Variants in NCAM2 observed in about 807,000 individuals in gnomAD.
The protein encoded by NCAM2 is N-CAM-2.
A neutral mutation model predicts 98.1 loss-of-function variants in NCAM2; 30 were observed. The observed-to-expected ratio is 0.31, with a 90% CI of 0.23 to 0.41. The LOEUF is 0.41. Ranked by LOEUF, NCAM2 falls within the 10% of genes least tolerant of loss-of-function variation. NCAM2 has a pLI of 1.00. For missense variants in NCAM2, 867 were observed against 1,005.8 expected, an observed-to-expected ratio of 0.86 and a Z score of 1.87; for synonymous variants, 368 against 342.4, an observed-to-expected ratio of 1.07 and a Z score of -0.83.
intron 1 of NCAM2, among the ~76,000 whole-genome samples, chr21:21,163,340 A>G (rs2067848226): frequency 6.6e-6 from 1 of 152,176 alleles, no homozygotes; most frequent in Non-Finnish European, 1.5e-5. Flanking sequence ...AGAGGGATGT[A>G]GGAAGGTAGA....
intron 15 of NCAM2, among the ~76,000 whole-genome samples, chr21:21,481,740 TAGCTGATACAA>T (rs1985904809): frequency 6.6e-6 from 1 of 152,170 alleles, no homozygotes; most frequent in Non-Finnish European, 1.5e-5. Flanking sequence ...CTAAACCATG[TAGCTGATACAA>T]AGCCATCACA....
At chr21:21,007,096 T>C (rs1047556756) in intron 1 of NCAM2, among the ~76,000 whole-genome samples, 1 of 152,202 alleles carries the variant, frequency 6.6e-6, no homozygotes, top group African/African-American at 2.4e-5. Flanking sequence ...TTTTCAGGGA[T>C]GCAAATATGG....
At chr21:21,294,106 T>C (rs1040491216) in intron 5 of NCAM2, among the ~76,000 whole-genome samples, 1 of 151,676 alleles carries the variant, frequency 6.6e-6, no homozygotes, top group African/African-American at 2.4e-5. Context: ...GTGGTGTTTA[T>C]CATTACTTTT....
At chr21:21,087,260 T>C (rs951009343) in intron 1 of NCAM2, among the ~76,000 whole-genome samples, 8 of 152,194 alleles carry the variant, frequency 5.3e-5, no homozygotes, top group African/African-American at 1.9e-4. Flanking sequence ...GTCTGTTGTC[T>C]TCTGTACTAT....
chr21:21,187,804 T>G (rs2068690089), intron 1 of NCAM2, among the ~76,000 whole-genome samples: 1 of 152,194 alleles, frequency 6.6e-6, no homozygotes. Flanking sequence ...ATTAGTGAGA[T>G]AACACACCGA....
chr21:21,027,006 T>C (rs2064563328), intron 1 of NCAM2, among the ~76,000 whole-genome samples: 2 of 151,648 alleles, frequency 1.3e-5, no homozygotes, highest in Non-Finnish European at 2.9e-5. Flanking sequence ...GCAGGCGTGC[T>C]CCATTGCCAC....
At chr21:21,147,399 C>T (rs1023545532) in intron 1 of NCAM2, 4 of 515,996 alleles carry the variant, frequency 7.8e-6, no homozygotes, top group East Asian at 1.5e-4. Flanking sequence ...AGTCACTTCA[C>T]TCTGATTTCA....
At chr21:21,250,280 G>A (rs75749422) in intron 1 of NCAM2, among the ~76,000 whole-genome samples, 2,676 of 152,226 alleles carry the variant, frequency 0.018, 78 homozygotes, top group African/African-American at 0.061. Context: ...CAAGCACTAT[G>A]GTCCTTCTCA....
chr21:21,274,181 AAT>A (rs1491197979), intron 1 of NCAM2, among the ~76,000 whole-genome samples: 27 of 150,800 alleles, frequency 1.8e-4, no homozygotes, highest in African/African-American at 6.6e-4. Context: ...AAAAAAAAAA[AAT>A]TTTAATCACT....
rs2073992379 is a variant in NCAM2, at chr21:21,309,878, T to G, written c.620-14505T>G. On this transcript the variant is annotated intron_variant, in intron 5 of 17. Transcript: ENST00000400546. ...TTTTAGGAATTTCTATTGAATGATT[T>G]CATTGACTGATTCACAAAGTCTTGA... Among the ~76,000 whole-genome samples, 4 of 152,216 alleles carry G rather than the reference T, an allele frequency of 2.6e-5. No individual in the cohort carries two copies. The South Asian group carries it at 8.3e-4, about 31-fold the overall frequency.
At chr21:21,473,418 A>G (rs1389324896) in intron 14 of NCAM2, among the ~76,000 whole-genome samples, 4 of 147,988 alleles carry the variant, frequency 2.7e-5, no homozygotes, top group Non-Finnish European at 6.0e-5. Context: ...AGACTGATCA[A>G]TCACCTCTCT....
intron 1 of NCAM2, among the ~76,000 whole-genome samples, chr21:21,033,246 G>A (rs2064726772): frequency 6.6e-6 from 1 of 152,156 alleles, no homozygotes; most frequent in South Asian, 2.1e-4. Context: ...ACTGCACCTG[G>A]CCGGTTTCTT....
At chr21:21,265,421 A>G (rs1466888092) in intron 1 of NCAM2, among the ~76,000 whole-genome samples, 1 of 79,066 alleles carries the variant, frequency 1.3e-5, no homozygotes, top group Non-Finnish European at 2.3e-5. Context: ...TATATATAAT[A>G]TATGTGTGTA....
intron 8 of NCAM2, among the ~76,000 whole-genome samples, chr21:21,359,451 T>C (rs933735503): frequency 6.6e-6 from 1 of 151,978 alleles, no homozygotes; most frequent in East Asian, 1.9e-4. Flanking sequence ...ATTTTAAAAA[T>C]TGTTTTTGAA....
intron 4 of NCAM2, among the ~76,000 whole-genome samples, chr21:21,289,436 AAG>A (rs1017832510): frequency 2.0e-5 from 3 of 151,910 alleles, no homozygotes; most frequent in Non-Finnish European, 4.4e-5. Context: ...TACGTAGGAT[AAG>A]AGAGAGTGTC....
At chr21:21,367,644 G>A (rs775824455) in intron 8 of NCAM2, among the ~76,000 whole-genome samples, 12 of 151,878 alleles carry the variant, frequency 7.9e-5, no homozygotes, top group Non-Finnish European at 1.6e-4. Context: ...CATATTTATT[G>A]CTTAGATCTG....
intron 1 of NCAM2, among the ~76,000 whole-genome samples, chr21:21,178,215 A>G (rs1047249745): frequency 6.6e-6 from 1 of 152,106 alleles, no homozygotes; most frequent in Non-Finnish European, 1.5e-5. Flanking sequence ...TGGATGAATT[A>G]ATTTATCTAT....
chr21:21,400,356 G>A (rs1019400096), intron 9 of NCAM2, among the ~76,000 whole-genome samples: 1 of 152,126 alleles, frequency 6.6e-6, no homozygotes, highest in African/African-American at 2.4e-5. Flanking sequence ...TGTGATAACA[G>A]CTAAAAGAGC....
At chr21:21,263,486 A>G (rs534813402) in intron 1 of NCAM2, among the ~76,000 whole-genome samples, 8 of 152,084 alleles carry the variant, frequency 5.3e-5, no homozygotes, top group African/African-American at 1.2e-4. Flanking sequence ...TTACCACCCA[A>G]TTGTTCAAAA....
Sources: gnomAD v4.1 joint callset for allele counts (sites outside exome capture counted in the v4.1 genomes callset) on GRCh38, gnomAD v4.1.1 for gene constraint, MANE v1.5 for transcripts, NCBI Gene and HGNC (gene_info 2026-07-23, HGNC 2026-07-21) for gene names.